CTPS1: variants seen among roughly 807,000 people sequenced by gnomAD.
CTPS1 encodes the protein CTP synthetase 1.
Under a neutral mutation model 80.5 loss-of-function variants are expected in CTPS1, and 25 were observed. That is an observed-to-expected ratio of 0.31 (90% confidence interval 0.23 to 0.43). The LOEUF is 0.43. Among genes scored for constraint, CTPS1 ranks in the 20% least tolerant of loss-of-function variants. CTPS1 has a pLI of 1.00. For missense variants in CTPS1, 442 were observed against 725.7 expected (o/e 0.61, Z 4.49); for synonymous variants, 267 against 252.5 (o/e 1.06, Z -0.54).
At chr1:40,984,621 A>G (rs964066441) in intron 2 of CTPS1, among the ~76,000 whole-genome samples, 200 bp from the exon 3 acceptor site, 4 of 152,196 alleles carry the variant, frequency 2.6e-5, no homozygotes, top group East Asian at 1.9e-4. Context: ...TTGACAGGCT[A>G]GAAGTATGAG....
intron 1 of CTPS1, chr1:40,981,249 G>A (rs1013854434): frequency 5.3e-5 from 8 of 152,208 alleles, no homozygotes; most frequent in African/African-American, 1.9e-4. Flanking sequence ...TAGCCCATAA[G>A]GATGAATGAA....
At chr1:41,005,581 C>T (rs767278943) in intron 12 of CTPS1, among the ~76,000 whole-genome samples, 4 of 152,154 alleles carry the variant, frequency 2.6e-5, no homozygotes, top group East Asian at 1.9e-4. Context: ...AAAAAATTCA[C>T]GTGTGTGTGG....
At chr1:40,986,554 G>C (rs923327084) in intron 3 of CTPS1, among the ~76,000 whole-genome samples, 12 of 152,240 alleles carry the variant, frequency 7.9e-5, no homozygotes, top group Non-Finnish European at 2.9e-5. Flanking sequence ...GCCATGTGTG[G>C]AGTAGATAAT....
Position 41,006,040 on chromosome 1 carries a change from T to C in CTPS1, c.1253-11T>C. On this transcript the variant is annotated splice_polypyrimidine_tract_variant and intron_variant, in intron 12 of 18. Transcript: ENST00000650070. ...GTAACTATTTTCATAACAAGTATTT[T>C]GGTATTTCAGATGCCAATTCTACAG... The C allele has an allele frequency of 6.2e-7, 1 of 1,609,182 alleles. No homozygotes were observed. The highest frequency in any genetic ancestry group is 8.5e-7 in the Non-Finnish European group (1 of 1,175,478).
At chr1:40,994,059 G>A (rs1331203086) in intron 7 of CTPS1, among the ~76,000 whole-genome samples, 1 of 152,098 alleles carries the variant, frequency 6.6e-6, no homozygotes, top group East Asian at 1.9e-4. Context: ...GATTACAGGT[G>A]TGAGCCACCG....
chr1:41,006,131 G>C (rs770405291), intron 13 of CTPS1, 37 bp downstream of exon 13: 2 of 1,513,774 alleles, frequency 1.3e-6, no homozygotes, highest in Admixed American at 1.7e-5. Flanking sequence ...GGGCTTAGAA[G>C]GGTGTAGAAG....
intron 17 of CTPS1, 80 bp from the exon 18 acceptor site, chr1:41,010,081 T>C (rs1435840403): frequency 2.2e-6 from 2 of 891,756 alleles, no homozygotes; most frequent in African/African-American, 1.7e-5. Context: ...AGTGTCCCTG[T>C]AGGAACCGTG....
At chr1:41,009,654 C>A in intron 17 of CTPS1, 65 bp downstream of exon 17, 3 of 1,561,238 alleles carry the variant, frequency 1.9e-6, no homozygotes, top group South Asian at 1.1e-5. Flanking sequence ...GTCGCTGATT[C>A]ATTACAGCAA....
In CTPS1 at chr1:40,984,907, G is replaced by A. The variant is rs1305511593; in HGVS notation, c.253G>A (p.Asp85Asn). 6.2e-7 allele frequency: 1 copy of A among 1,606,428 alleles called. No individual in the cohort carries two copies. The highest frequency in any genetic ancestry group is 8.5e-7 in the Non-Finnish European group (1 of 1,175,212). Residue 85 changes from aspartate (D) to asparagine (N), a missense_variant, in exon 3 of 19, where the codon GAC becomes AAC. This residue lies in a region of CTPS1 where 69 missense variants were observed against 102.1 expected (regional missense o/e 0.68). Coordinates refer to ENST00000650070, the MANE Select transcript of CTPS1 (RefSeq NM_001905.4). ...GTTCCTTGACATCCGCCTCACCAAG[G>A]ACAATAATCTGACCACTGGAAAGAT... is the stretch of plus-strand genomic sequence containing the variant. ...ERFLDIRLTK[D>N]NNLTTGKIYQ...
intron 1 of CTPS1, chr1:40,980,725 G>C (rs1447156267): frequency 2.0e-5 from 3 of 152,238 alleles, no homozygotes; most frequent in African/African-American, 7.2e-5. Flanking sequence ...TTCTGTGCCG[G>C]AAAACCTTCT....
Position 41,007,740 on chromosome 1 carries a change from G to C in CTPS1, c.1393+195G>C, listed in dbSNP as rs1454062636. On this transcript the variant is annotated intron_variant, in intron 14 of 18. Coordinates refer to ENST00000650070, the MANE Select transcript of CTPS1 (RefSeq NM_001905.4). The surrounding 1 kb of genome is among the most constrained non-coding windows in gnomAD (Gnocchi z 4.4). Reference sequence around the variant, plus strand: ...AGCCATAGAAGCAGTGTGGGTCTTAGAAAGGACACTGGCAGTGCAGTCAGA... The same window carrying C: ...AGCCATAGAAGCAGTGTGGGTCTTACAAAGGACACTGGCAGTGCAGTCAGA... 6.6e-6 allele frequency among the ~76,000 whole-genome samples: 1 copy of C among 152,214 alleles called. No individual in the cohort carries two copies. The highest frequency in any genetic ancestry group is 2.4e-5 in the African/African-American group (1 of 41,458).
intron 5 of CTPS1, among the ~76,000 whole-genome samples, chr1:40,989,713 C>A (rs1021226055): frequency 1.3e-5 from 2 of 151,994 alleles, no homozygotes; most frequent in African/African-American, 2.4e-5. Context: ...CACCAAAAAA[C>A]CAAAAATGAC....
intron 1 of CTPS1, among the ~76,000 whole-genome samples, chr1:40,982,493 G>A (rs1234454143): frequency 6.6e-6 from 1 of 152,122 alleles, no homozygotes; most frequent in East Asian, 1.9e-4. Flanking sequence ...GGGTTCAAGC[G>A]ATTCTCCTGC....
rs779248936 is a variant in CTPS1, at chr1:40,983,446, T to G, written c.156T>G (p.Pro52=). 1.2e-6 allele frequency: 2 copies of G among 1,611,644 alleles called. No individual in the cohort carries two copies. Among genetic ancestry groups the G allele is most frequent in the Non-Finnish European group, 1.7e-6 (2 of 1,178,312 alleles). ...ACATTGATGCAGGAACATTCTCTCC[T>G]TATGAGCATGGTAAGCACAGTGGAT... is the stretch of plus-strand genomic sequence containing the variant. ...YINIDAGTFS[P]YEHGEVFVLD... The change falls in exon 2 of 19, where the codon CCT becomes CCG. Residue 52 remains proline, a synonymous_variant. Transcript: ENST00000650070.
chr1:40,997,496 A>C lies in CTPS1; in HGVS notation c.975A>C (p.Ala325=). ...TCATTAAGGCTCTGGAGCATTCTGC[A>C]CTGGCCATCAACCACAAATTGGAAA... ...ASVIKALEHS[A]LAINHKLEIK... Residue 325 remains alanine (A), a synonymous_variant, in exon 9 of 19, where the codon GCA becomes GCC. Transcript: ENST00000650070. The C allele has an allele frequency of 6.2e-7, 1 of 1,614,164 alleles. No homozygotes were observed. The highest frequency in any genetic ancestry group is 1.1e-5 in the South Asian group (1 of 91,070).
chr1:40,983,587 C>G, intron 2 of CTPS1, 131 bp downstream of exon 2: 1 of 589,904 alleles, frequency 1.7e-6, no homozygotes, highest in East Asian at 3.0e-5. Flanking sequence ...CAGAATGATA[C>G]TTTTCTCACC....
chr1:41,009,730 C>A, intron 17 of CTPS1, 141 bp downstream of exon 17: 1 of 981,248 alleles, frequency 1.0e-6, no homozygotes, highest in Non-Finnish European at 1.5e-6. Flanking sequence ...CCTCTCCTTT[C>A]CCGGAGCTTT....
At position 41,006,097 on chromosome 1, in the gene CTPS1, G is replaced by A. The variant is rs1643026721; in HGVS notation, c.1296+3G>A. On this transcript the variant is annotated splice_donor_region_variant and intron_variant, in intron 13 of 18. Coordinates refer to ENST00000650070, the MANE Select transcript of CTPS1 (RefSeq NM_001905.4). ...ACCCTACGACCAGTCATCCCGTGGT[G>A]AGTCAAGTGTTTGAACCTCCACAGG... The A allele has an allele frequency of 1.2e-6, 2 of 1,612,840 alleles. No homozygotes were observed. Among genetic ancestry groups the A allele is most frequent in the Non-Finnish European group, 1.7e-6 (2 of 1,178,946 alleles).
In CTPS1 at chr1:41,007,781, G is replaced by A. The variant is rs1643072058; in HGVS notation, c.1393+236G>A. Among the ~76,000 whole-genome samples, 1 of 152,162 alleles carries A rather than the reference G, an allele frequency of 6.6e-6. No individual in the cohort carries two copies. On this transcript the variant is annotated intron_variant, in intron 14 of 18. Transcript: ENST00000650070. The surrounding 1 kb of genome is among the most constrained non-coding windows in gnomAD (Gnocchi z 4.4). ...TGCAGTCAGACTCCTAGGCATGGGC[G>A]CCTCAACAGAATGAGGCAGTGAGGT...
Sources: allele counts gnomAD v4.1 joint callset (sites outside exome capture counted in the v4.1 genomes callset), GRCh38; gene constraint gnomAD v4.1.1; regional missense constraint gnomAD v4.1.1; non-coding constraint Gnocchi (gnomAD v3.1); transcripts MANE v1.5; gene names NCBI Gene and HGNC (gene_info 2026-07-23, HGNC 2026-07-21).